The following TAFA4 variants were observed in gnomAD, a reference collection of about 807,000 sequenced individuals.
The protein encoded by TAFA4 is TAFA chemokine like family member 4.
A neutral mutation model predicts 21.1 loss-of-function variants in TAFA4; 20 were observed. The observed-to-expected ratio is 0.95, with a 90% CI of 0.67 to 1.38. The LOEUF (loss-of-function observed/expected upper bound fraction) is 1.38, where lower values mean the gene tolerates loss of function less well. Among genes scored for constraint, TAFA4 ranks in the 40% most tolerant of loss-of-function variants. TAFA4 has a pLI of 0.00. For missense variants in TAFA4, 211 were observed against 180.9 expected (o/e 1.17, Z -0.95); for synonymous variants, 71 against 67.4 (o/e 1.05, Z -0.26).
intron 3 of TAFA4, among the ~76,000 whole-genome samples, chr3:68,823,434 A>G (rs1488984233): frequency 1.3e-5 from 2 of 152,136 alleles, no homozygotes; most frequent in Non-Finnish European, 2.9e-5. Flanking sequence ...GAGGCCTGCT[A>G]CAAGATTTTT....
At chr3:68,835,068 T>G (rs953061384) in intron 3 of TAFA4, among the ~76,000 whole-genome samples, 1 of 152,144 alleles carries the variant, frequency 6.6e-6, no homozygotes, top group African/African-American at 2.4e-5. Flanking sequence ...ACTCTGGCCT[T>G]ATCACCTACT....
At chr3:68,799,879 T>C (rs1703537508) in intron 3 of TAFA4, among the ~76,000 whole-genome samples, 1 of 152,114 alleles carries the variant, frequency 6.6e-6, no homozygotes, top group African/African-American at 2.4e-5. Context: ...CCGCTCCCCA[T>C]CACTCACATT....
At chr3:68,821,958 C>T (rs961076609) in intron 3 of TAFA4, among the ~76,000 whole-genome samples, 3 of 152,050 alleles carry the variant, frequency 2.0e-5, no homozygotes, top group African/African-American at 2.4e-5. Flanking sequence ...CAATGGAAAC[C>T]GCCTGTAGAA....
intron 3 of TAFA4, among the ~76,000 whole-genome samples, chr3:68,780,362 G>C (rs764926417): frequency 6.6e-6 from 1 of 152,094 alleles, no homozygotes. Context: ...TGAGAATTGC[G>C]GGGGAGCCAG....
At chr3:68,775,753 C>A (rs1168425051) in intron 3 of TAFA4, among the ~76,000 whole-genome samples, 1 of 152,138 alleles carries the variant, frequency 6.6e-6, no homozygotes, top group African/African-American at 2.4e-5. Context: ...TAGCAACAAC[C>A]AAAAACAAAT....
chr3:68,796,425 T>C (rs1418338352), intron 3 of TAFA4, among the ~76,000 whole-genome samples: 1 of 152,150 alleles, frequency 6.6e-6, no homozygotes, highest in Admixed American at 6.6e-5. Context: ...ATAAATATAC[T>C]GGAATTATAC....
intron 1 of TAFA4, among the ~76,000 whole-genome samples, chr3:68,924,404 A>G (rs185684164): frequency 1.0e-3 from 159 of 152,330 alleles, no homozygotes; most frequent in Non-Finnish European, 1.7e-3. Flanking sequence ...TTATGTCTCC[A>G]TTTATATAAG....
intron 4 of TAFA4, among the ~76,000 whole-genome samples, chr3:68,750,998 G>C (rs1702548444): frequency 6.6e-6 from 1 of 152,206 alleles, no homozygotes; most frequent in Non-Finnish European, 1.5e-5. Flanking sequence ...TGAATGTCAT[G>C]AACTGGAAAT....
At chr3:68,745,410 C>T (rs1702439362) in intron 4 of TAFA4, among the ~76,000 whole-genome samples, 1 of 152,158 alleles carries the variant, frequency 6.6e-6, no homozygotes, top group Admixed American at 6.5e-5. Flanking sequence ...CTTGTCACTT[C>T]TATTTTTAAA....
chr3:68,864,571 C>G (rs2089392350), intron 3 of TAFA4, among the ~76,000 whole-genome samples: 1 of 152,048 alleles, frequency 6.6e-6, no homozygotes, highest in Non-Finnish European at 1.5e-5. Context: ...ACCATATGAA[C>G]CAGCCATTCT....
chr3:68,802,714 T>C (rs1025255742), intron 3 of TAFA4, among the ~76,000 whole-genome samples: 2 of 152,174 alleles, frequency 1.3e-5, no homozygotes, highest in Non-Finnish European at 2.9e-5. Context: ...CAGAGAACTG[T>C]CTGACACATA....
chr3:68,877,690 T>A (rs1011944494), intron 3 of TAFA4, among the ~76,000 whole-genome samples: 1 of 152,308 alleles, frequency 6.6e-6, no homozygotes, highest in Middle Eastern at 3.4e-3. Flanking sequence ...TTCGCCACAG[T>A]CAGCTTACTA....
At chr3:68,866,676 A>C (rs1384908526) in intron 3 of TAFA4, among the ~76,000 whole-genome samples, 1 of 147,742 alleles carries the variant, frequency 6.8e-6, no homozygotes, top group Non-Finnish European at 1.5e-5. Context: ...AAAAAAAAAA[A>C]AACTCTGCAA....
chr3:68,812,862 C>A (rs1482487980), intron 3 of TAFA4, among the ~76,000 whole-genome samples: 1 of 151,662 alleles, frequency 6.6e-6, no homozygotes, highest in Non-Finnish European at 1.5e-5. Context: ...CCCAAATCAA[C>A]AGAATATACA....
intron 2 of TAFA4, among the ~76,000 whole-genome samples, chr3:68,883,656 T>C (rs991982929): frequency 5.9e-5 from 9 of 152,246 alleles, no homozygotes; most frequent in African/African-American, 2.2e-4. Flanking sequence ...AAACCATAAA[T>C]TGATCGATAA....
At chr3:68,818,464 CTGTT>C (rs1377899694) in intron 3 of TAFA4, among the ~76,000 whole-genome samples, 1 of 152,216 alleles carries the variant, frequency 6.6e-6, no homozygotes, top group African/African-American at 2.4e-5. Context: ...CACAACTTCA[CTGTT>C]TGGTGCAAGA....
chr3:68,782,016 A>C (rs1181889497), intron 3 of TAFA4, among the ~76,000 whole-genome samples: 1 of 152,194 alleles, frequency 6.6e-6, no homozygotes, highest in African/African-American at 2.4e-5. Flanking sequence ...ACTTCATCAA[A>C]ATTTAAAACT....
chr3:68,811,193 A>G (rs974885459), intron 3 of TAFA4, among the ~76,000 whole-genome samples: 2 of 152,206 alleles, frequency 1.3e-5, no homozygotes, highest in Non-Finnish European at 2.9e-5. Context: ...ATCAAAGACC[A>G]AAGGGTAGAT....
intron 1 of TAFA4, among the ~76,000 whole-genome samples, chr3:68,889,768 G>A (rs999318623): frequency 6.6e-6 from 1 of 152,224 alleles, no homozygotes; most frequent in African/African-American, 2.4e-5. Context: ...ATAGTATCAA[G>A]GTCATGAAAG....
Sources: allele counts gnomAD v4.1 joint callset (sites outside exome capture counted in the v4.1 genomes callset), GRCh38; gene constraint gnomAD v4.1.1; transcripts MANE v1.5; gene names NCBI Gene and HGNC (gene_info 2026-07-23, HGNC 2026-07-21).